The following CFAP46 variants were observed in gnomAD, a reference collection of about 807,000 sequenced individuals.
The protein encoded by CFAP46 is cilia- and flagella-associated protein 46.
CFAP46 carries 245 observed loss-of-function variants against 325.7 expected under a neutral mutation model. That is an observed-to-expected ratio of 0.75 (90% CI 0.68 to 0.84). The LOEUF is 0.84. CFAP46 is among the 40% of genes least tolerant of loss of function. The pLI is 0.00. For missense variants in CFAP46, 3,346 were observed against 3,543.0 expected, an observed-to-expected ratio of 0.94 and a Z score of 1.41; for synonymous variants, 1,523 against 1,495.9, an observed-to-expected ratio of 1.02 and a Z score of -0.42.
intron 25 of CFAP46, among the ~76,000 whole-genome samples, chr10:132,887,230 CCT>C (rs1849152800): frequency 9.7e-6 from 1 of 103,572 alleles, no homozygotes; most frequent in Non-Finnish European, 1.8e-5. Context: ...TTCTCTCTCT[CCT>C]CTCCCCTCTT....
At chr10:132,837,439 G>A (rs145131846) in intron 44 of CFAP46, among the ~76,000 whole-genome samples, 2 of 148,198 alleles carry the variant, frequency 1.3e-5, no homozygotes, top group East Asian at 2.1e-4. Flanking sequence ...ACACCCACCC[G>A]TGCATAGACG....
At chr10:132,926,155 G>A (rs978883600) in intron 10 of CFAP46, among the ~76,000 whole-genome samples, 3 of 152,354 alleles carry the variant, frequency 2.0e-5, no homozygotes, top group Non-Finnish European at 2.9e-5. Context: ...CAGGGCCGGC[G>A]GTGGCTTTTG....
chr10:132,896,513 T>G (rs934708086), intron 24 of CFAP46, among the ~76,000 whole-genome samples: 5 of 152,224 alleles, frequency 3.3e-5, no homozygotes, highest in African/African-American at 7.2e-5. Flanking sequence ...AATTAAATAC[T>G]TAGTAATAAA....
At chr10:132,824,981 GATGTGTGCTGTGTGTGCTGA>G (rs1235624180) in intron 50 of CFAP46, among the ~76,000 whole-genome samples, 1 of 136,136 alleles carries the variant, frequency 7.3e-6, no homozygotes, top group East Asian at 2.4e-4. Flanking sequence ...GATGTGTGCT[GATGTGTGCTGTGTGTGCTGA>G]TGTGTGCTGA....
chr10:132,937,584 G>A lies in CFAP46; in HGVS notation c.628C>T (p.Pro210Ser). The A allele has an allele frequency of 6.2e-7, 1 of 1,613,624 alleles. No individual in the cohort carries two copies. The highest frequency in any genetic ancestry group is 1.3e-5 in the African/African-American group (1 of 75,042). ...TAAPFIKSHV[P>S]QKYRQIFSVM... ...GAGAATATCTGCCGGTATTTCTGTGGCACGTGAGACTTAATGAACGGAGCT... is the reference window on the plus strand; with the variant it reads ...GAGAATATCTGCCGGTATTTCTGTGACACGTGAGACTTAATGAACGGAGCT... The change falls in exon 6 of 58, where the codon CCA (proline) becomes TCA (serine). Residue 210 changes from proline (P) to serine (S), a missense_variant. Physicochemically the swap from Pro to Ser is moderately conservative, Grantham distance 74. Transcript: ENST00000368586.
At chr10:132,821,393 CTG>C (rs199817453) in intron 50 of CFAP46, among the ~76,000 whole-genome samples, 2 of 104,280 alleles carry the variant, frequency 1.9e-5, no homozygotes, top group East Asian at 3.2e-4. Flanking sequence ...CTGATGTGTG[CTG>C]TGTGTGTGCT....
intron 50 of CFAP46, among the ~76,000 whole-genome samples, chr10:132,831,393 G>A (rs1355323302): frequency 6.6e-6 from 1 of 152,144 alleles, no homozygotes; most frequent in Non-Finnish European, 1.5e-5. Flanking sequence ...GTGGCTCCAT[G>A]GGTTTTGTCT....
At chr10:132,855,517 T>G (rs535966564) in intron 39 of CFAP46, among the ~76,000 whole-genome samples, 53 of 152,386 alleles carry the variant, frequency 3.5e-4, no homozygotes, top group African/African-American at 1.2e-3. Flanking sequence ...TTATTTAAAT[T>G]TCATGTGATT....
Position 132,869,491 on chromosome 10 carries a change from G to T in CFAP46, c.4512-119C>A. The T allele has an allele frequency of 1.6e-6, 1 of 614,010 alleles. No individual in the cohort carries two copies. The highest frequency in any genetic ancestry group is 2.6e-6 in the Non-Finnish European group (1 of 391,844). 38.0% of individuals were successfully genotyped at this position (614,010 alleles called of 1,614,324 possible). A position where few individuals can be genotyped will look rare whatever the true frequency, so the allele number is the denominator to read the frequency against. On this transcript the variant is annotated intron_variant, in intron 32 of 57. Transcript: ENST00000368586. The surrounding 1 kb of genome is among the most constrained non-coding windows in gnomAD (Gnocchi z 6.2). ...TAACACATCGAGGCACACTTGGATG[G>T]TATTTTCAATCATTTTTAAAGGTAA...
intron 4 of CFAP46, among the ~76,000 whole-genome samples, chr10:132,940,761 G>A (rs112795426): frequency 2.0e-5 from 3 of 152,272 alleles, no homozygotes; most frequent in East Asian, 1.9e-4. Flanking sequence ...ACTCTTCACA[G>A]CCATCTAAAA....
At position 132,865,986 on chromosome 10, in the gene CFAP46, G is replaced by A. The variant is rs1490507144; in HGVS notation, c.4890+39C>T. The A allele has an allele frequency of 2.7e-6, 4 of 1,457,570 alleles. No individual in the cohort carries two copies. In the South Asian group the frequency reaches 4.4e-5, roughly 16 times the overall value. 90.3% of individuals were successfully genotyped at this position (1,457,570 alleles called of 1,614,324 possible). ...CTCCACTGTGCACAGTGCGCTGGGA[G>A]CGGCTGTGGATGGTGATGGGCTGGG... On this transcript the variant is annotated intron_variant, in intron 35 of 57. Coordinates refer to ENST00000368586, the MANE Select transcript of CFAP46 (RefSeq NM_001200049.3).
At position 132,847,018 on chromosome 10, in the gene CFAP46, C is replaced by A. The variant is rs1243678642; in HGVS notation, c.6181G>T (p.Val2061Phe). The A allele has an allele frequency of 6.2e-7, 1 of 1,611,202 alleles. No individual in the cohort carries two copies. The highest frequency in any genetic ancestry group is 1.7e-5 in the Admixed American group (1 of 59,948). Residue 2061 changes from valine to phenylalanine, a missense_variant, in exon 43 of 58, where the codon GTC (valine) becomes TTC (phenylalanine). Physicochemically the swap from Val to Phe is conservative, Grantham distance 50. Coordinates refer to ENST00000368586, the MANE Select transcript of CFAP46 (RefSeq NM_001200049.3). This position sits in a 1 kb window ranked among gnomAD's most constrained non-coding sequence, Gnocchi z 5.2. ...QVALGSGLLD[V>F]AAAASLEMVE... ...ATCTCCAGGCTGGCGGCTGCTGCGA[C>A]ATCCAGGAGGCCACTGCCAAGGGCC...
chr10:132,934,691 G>A, intron 8 of CFAP46, 61 bp downstream of exon 8: 1 of 1,137,552 alleles, frequency 8.8e-7, no homozygotes, highest in Admixed American at 2.0e-5. Flanking sequence ...ATTTTTCAGT[G>A]CCTGCTAAAT....
chr10:132,808,477 C>A lies in CFAP46; in HGVS notation c.8092G>T (p.Val2698Leu). The change falls in exon 58 of 58, where the codon GTG becomes TTG. Residue 2698 changes from valine to leucine, a missense_variant. Transcript: ENST00000368586. This position sits in a 1 kb window ranked among gnomAD's most constrained non-coding sequence, Gnocchi z 6.8. ...GTCTTCTGGTCTAAGCAACTCAGCA[C>A]CAGCGCCGCCAAGGGGAGGCCGCCC... ...DKGGLPLAAL[V>L]LSCLDQKTIQ... 1 of 1,613,248 alleles carries A rather than the reference C, an allele frequency of 6.2e-7. No homozygotes were observed. Among genetic ancestry groups the A allele is most frequent in the Non-Finnish European group, 8.5e-7 (1 of 1,180,010 alleles).
Position 132,878,083 on chromosome 10 carries a change from G to A in CFAP46, c.4010C>T (p.Ser1337Phe), listed in dbSNP as rs1160906720. ...AACTGATTTTCCTGCTGTCATCAAA[G>A]AAACCTGGTGGGGATGAAATCCACA... The part of the protein sequence containing the change: ...YAFFRHIWQV[S>F]LMTAGKSVLE... Residue 1337 changes from serine to phenylalanine, a missense_variant, in exon 30 of 58, where the codon TCT becomes TTT. Ser to Phe is a radical substitution (Grantham distance 155). Coordinates refer to ENST00000368586, the MANE Select transcript of CFAP46 (RefSeq NM_001200049.3). The A allele has an allele frequency of 1.0e-5, 16 of 1,550,498 alleles. No homozygotes were observed. Among genetic ancestry groups the A allele is most frequent in the Non-Finnish European group, 1.4e-5 (16 of 1,147,036 alleles).
chr10:132,859,101 T>C lies in CFAP46; in HGVS notation c.5345A>G (p.Asp1782Gly). The change falls in exon 38 of 58, where the codon GAC becomes GGC. Residue 1782 changes from aspartate to glycine, a missense_variant. Coordinates refer to ENST00000368586, the MANE Select transcript of CFAP46 (RefSeq NM_001200049.3). ...GATCTTCGCACGCTCTAGTTTTACG[T>C]CAACACAATTCTCTTTGCAGCCACA... is the stretch of plus-strand genomic sequence containing the variant. The part of the protein sequence containing the change: ...IDCGCKENCV[D>G]VKLERAKIKR... The C allele has an allele frequency of 6.4e-7, 1 of 1,550,906 alleles. No individual in the cohort carries two copies. Among genetic ancestry groups the C allele is most frequent in the African/African-American group, 1.4e-5 (1 of 73,136 alleles).
Position 132,886,605 on chromosome 10 carries a change from G to A in CFAP46, c.3305-646C>T, listed in dbSNP as rs1317310588. The stretch of plus-strand genomic sequence containing the variant: ...GGGATGGAACCCTCAGTGTCTGGGC[G>A]AGCTGCAGATGAACTTGAAGGGCCC... On this transcript the variant is annotated intron_variant, in intron 25 of 57. Transcript: ENST00000368586. The surrounding 1 kb of genome is among the most constrained non-coding windows in gnomAD (Gnocchi z 5.8). 2.0e-5 allele frequency among the ~76,000 whole-genome samples: 3 copies of A among 152,178 alleles called. No individual in the cohort carries two copies. Among genetic ancestry groups the A allele is most frequent in the East Asian group, 3.8e-4 (2 of 5,200 alleles).
chr10:132,888,975 C>T (rs1019372890), intron 25 of CFAP46, among the ~76,000 whole-genome samples: 4 of 152,338 alleles, frequency 2.6e-5, no homozygotes, highest in East Asian at 1.9e-4. Flanking sequence ...GGAAGGCTCC[C>T]GCCTCCACCC....
intron 19 of CFAP46, 99 bp downstream of exon 19, chr10:132,912,556 C>T: frequency 8.4e-7 from 1 of 1,184,612 alleles, no homozygotes; most frequent in Non-Finnish European, 1.2e-6. Context: ...TCTCTCTCTT[C>T]ACCTCTCTCC....
Sources: gnomAD v4.1 joint callset for allele counts (sites outside exome capture counted in the v4.1 genomes callset) on GRCh38, gnomAD v4.1.1 for gene constraint, Gnocchi (gnomAD v3.1) non-coding constraint, MANE v1.5 for transcripts, NCBI Gene and HGNC (gene_info 2026-07-23, HGNC 2026-07-21) for gene names.